ROBO1: variants seen among roughly 807,000 people sequenced by gnomAD.
ROBO1 encodes the protein roundabout guidance receptor 1, also known as roundabout homolog 1.
ROBO1 carries 149 observed loss-of-function variants against 195.9 expected under a neutral mutation model. The ratio of observed to expected loss-of-function variants is 0.76; its 90% CI spans 0.67 to 0.87. The LOEUF (loss-of-function observed/expected upper bound fraction) is 0.87, where lower values mean the gene tolerates loss of function less well. Ranked by LOEUF, ROBO1 falls within the 40% of genes least tolerant of loss-of-function variation. The pLI is 0.00. For synonymous variants in ROBO1, 816 were observed against 733.2 expected (o/e 1.11, Z -1.82); for missense variants, 1,933 against 2,068.3 (o/e 0.93, Z 1.27).
chr3:78,634,084 C>A lies in ROBO1; in HGVS notation c.3374-42G>T, dbSNP rs1705342695. ...AAAAAACAATAAACATTTATTTTCT[C>A]TTCATGAGCGATTTCACATCTCTGC... On this transcript the variant is annotated intron_variant, in intron 23 of 30. Coordinates refer to ENST00000464233, the MANE Select transcript of ROBO1 (RefSeq NM_002941.4). 5 of 1,323,988 alleles carry A rather than the reference C, an allele frequency of 3.8e-6. No individual in the cohort carries two copies. In the South Asian group the frequency reaches 5.0e-5, roughly 13 times the overall value. 82.0% of individuals were successfully genotyped at this position (1,323,988 alleles called of 1,614,324 possible). A position where few individuals can be genotyped will look rare whatever the true frequency, so the allele number is the denominator to read the frequency against.
chr3:78,844,339 T>C (rs865780404), intron 4 of ROBO1, among the ~76,000 whole-genome samples: 1 of 152,158 alleles, frequency 6.6e-6, no homozygotes, highest in Non-Finnish European at 1.5e-5. Flanking sequence ...CTGTCTGCAA[T>C]TATTTTTTTA....
chr3:79,662,254 C>T (rs1946350914), intron 1 of ROBO1, among the ~76,000 whole-genome samples: 1 of 152,036 alleles, frequency 6.6e-6, no homozygotes, highest in African/African-American at 2.4e-5. Flanking sequence ...AACTGGCGAT[C>T]TTTCTTCATG....
chr3:78,745,306 CAA>C (rs11360584), intron 5 of ROBO1, among the ~76,000 whole-genome samples: 40 of 71,104 alleles, frequency 5.6e-4, no homozygotes, highest in Admixed American at 9.5e-4. Flanking sequence ...GACTCCATTT[CAA>C]AAAAAAAAAA....
intron 1 of ROBO1, among the ~76,000 whole-genome samples, chr3:79,742,971 AT>A (rs985089723): frequency 1.3e-5 from 2 of 152,198 alleles, no homozygotes; most frequent in African/African-American, 4.8e-5. Flanking sequence ...ACTTGAGCAG[AT>A]TGAAAATGTA....
chr3:79,135,282 A>G (rs1306553489), intron 2 of ROBO1, among the ~76,000 whole-genome samples: 1 of 152,176 alleles, frequency 6.6e-6, no homozygotes, highest in Non-Finnish European at 1.5e-5. Flanking sequence ...CTAACTTGGA[A>G]GTAAAAAATA....
At chr3:79,515,655 T>TGAAC (rs1309021369) in intron 2 of ROBO1, among the ~76,000 whole-genome samples, 1 of 152,232 alleles carries the variant, frequency 6.6e-6, no homozygotes, top group Non-Finnish European at 1.5e-5. Context: ...TTGTACAATT[T>TGAAC]ATATGTTCAA....
At chr3:78,646,309 T>C (rs2107595179) in intron 20 of ROBO1, 119 bp from the exon 21 acceptor site, 2 of 796,576 alleles carry the variant, frequency 2.5e-6, no homozygotes, top group African/African-American at 1.8e-5. Flanking sequence ...GACAGAAGCA[T>C]TGCAAAAATC....
chr3:78,680,276 G>T (rs2080863061), intron 10 of ROBO1, among the ~76,000 whole-genome samples: 1 of 152,128 alleles, frequency 6.6e-6, no homozygotes, highest in Non-Finnish European at 1.5e-5. Flanking sequence ...GCATGGGCAA[G>T]GACTTCATGT....
intron 1 of ROBO1, among the ~76,000 whole-genome samples, chr3:79,708,903 G>A (rs1036497023): frequency 6.6e-6 from 1 of 151,970 alleles, no homozygotes; most frequent in African/African-American, 2.4e-5. Context: ...ATGATGAATA[G>A]GAGAATAAAC....
intron 2 of ROBO1, among the ~76,000 whole-genome samples, chr3:79,335,828 A>G (rs1175018654): frequency 3.3e-5 from 5 of 152,186 alleles, no homozygotes; most frequent in African/African-American, 9.7e-5. Context: ...AAGATGTGGG[A>G]AACTTTGGTA....
intron 1 of ROBO1, among the ~76,000 whole-genome samples, chr3:79,657,608 G>A (rs968178301): frequency 6.6e-6 from 1 of 151,938 alleles, no homozygotes; most frequent in African/African-American, 2.4e-5. Context: ...CACAAAATAA[G>A]GAGAATGGCA....
At chr3:79,154,437 G>C (rs970691465) in intron 2 of ROBO1, among the ~76,000 whole-genome samples, 1 of 151,542 alleles carries the variant, frequency 6.6e-6, no homozygotes, top group African/African-American at 2.4e-5. Context: ...TTTCCCCTTT[G>C]TTTTCTGTAT....
At chr3:79,622,514 T>A (rs560217100) in intron 1 of ROBO1, among the ~76,000 whole-genome samples, 2 of 152,202 alleles carry the variant, frequency 1.3e-5, no homozygotes, top group African/African-American at 4.8e-5. Flanking sequence ...GAAGGCTGGA[T>A]GGCTTTTTCC....
chr3:78,706,268 G>A (rs2081549339), intron 8 of ROBO1, among the ~76,000 whole-genome samples: 1 of 151,906 alleles, frequency 6.6e-6, no homozygotes, highest in Admixed American at 6.6e-5. Flanking sequence ...TTAGACCAAG[G>A]AGCCAACATA....
chr3:79,345,719 A>G (rs1478707361), intron 2 of ROBO1, among the ~76,000 whole-genome samples: 2 of 152,174 alleles, frequency 1.3e-5, no homozygotes, highest in South Asian at 2.1e-4. Flanking sequence ...CTACAGAGGC[A>G]AAGTTGTAAT....
intron 2 of ROBO1, among the ~76,000 whole-genome samples, chr3:79,500,802 C>T (rs930242138): frequency 6.6e-6 from 1 of 152,176 alleles, no homozygotes; most frequent in African/African-American, 2.4e-5. Flanking sequence ...GGATAAAGGG[C>T]TAATATATCA....
intron 2 of ROBO1, among the ~76,000 whole-genome samples, chr3:79,457,397 G>A (rs192768291): frequency 0.012 from 1,693 of 139,492 alleles, 32 homozygotes; most frequent in African/African-American, 0.048. Flanking sequence ...GTGTGTGTGC[G>A]TGTGTGTGTG....
chr3:78,714,263 G>T, intron 8 of ROBO1, 134 bp downstream of exon 8: 1 of 839,442 alleles, frequency 1.2e-6, no homozygotes, highest in Non-Finnish European at 1.7e-6. Context: ...CTTTAAATAT[G>T]TTTGAAATAC....
In ROBO1 at chr3:79,002,088, T is replaced by C. The variant is rs902514766; in HGVS notation, c.173-63161A>G. 2.0e-5 allele frequency among the ~76,000 whole-genome samples: 3 copies of C among 152,242 alleles called. No individual in the cohort carries two copies. In the East Asian group the frequency reaches 5.8e-4, roughly 29 times the overall value. ...CATCCCACACAGTGACAAGAGACTA[T>C]AGATATTTACAGGAGAATCTGTAAG... On this transcript the variant is annotated intron_variant, in intron 3 of 30. Coordinates refer to ENST00000464233, the MANE Select transcript of ROBO1 (RefSeq NM_002941.4).
Sources: gnomAD v4.1 joint callset for allele counts (sites outside exome capture counted in the v4.1 genomes callset) on GRCh38, gnomAD v4.1.1 for gene constraint, MANE v1.5 for transcripts, NCBI Gene and HGNC (gene_info 2026-07-23, HGNC 2026-07-21) for gene names.